SLC23A1: variants seen among roughly 807,000 people sequenced by gnomAD.
SLC23A1 encodes solute carrier family 23 member 1.
In SLC23A1, 31 loss-of-function variants were observed where a neutral mutation model predicts 62.5. The ratio of observed to expected loss-of-function variants is 0.50; its 90% CI spans 0.37 to 0.67. The LOEUF is 0.67. Among genes scored for constraint, SLC23A1 ranks in the 30% least tolerant of loss-of-function variants. The pLI is 0.00. For missense variants in SLC23A1, 640 were observed against 782.7 expected (o/e 0.82, Z 2.18); for synonymous variants, 271 against 313.2 (o/e 0.87, Z 1.42).
chr5:139,368,676 G>T, intron 14 of SLC23A1: 2 of 1,141,904 alleles, frequency 1.8e-6, no homozygotes, highest in East Asian at 2.4e-5. Flanking sequence ...GATCTAGATT[G>T]AATTAGTACC....
Position 139,372,103 on chromosome 5 carries a change from A to C in SLC23A1, c.1700T>G (p.Val567Gly). 1 of 1,613,412 alleles carries C rather than the reference A, an allele frequency of 6.2e-7. No individual in the cohort carries two copies. Among genetic ancestry groups the C allele is most frequent in the South Asian group, 1.1e-5 (1 of 91,076 alleles). ...TFLKYIPICP[V>G]FKGFSSSSKD... ...TGAACTTGAAGAAAATCCTTTGAAG[A>C]CTGGGCAGATAGGAATGTATTTCAG... The change falls in exon 14 of 15, where the codon GTC (valine) becomes GGC (glycine). Residue 567 changes from valine (V) to glycine (G), a missense_variant. Physicochemically the swap from Val to Gly is moderately radical, Grantham distance 109. Transcript: ENST00000348729.
At chr5:139,374,101 A>G (rs1757824989) in intron 13 of SLC23A1, among the ~76,000 whole-genome samples, 1 of 152,038 alleles carries the variant, frequency 6.6e-6, no homozygotes, top group East Asian at 1.9e-4. Context: ...TAGTTTTACC[A>G]CCTATCTTGT....
At chr5:139,377,612 C>G in intron 12 of SLC23A1, 115 bp from the exon 13 acceptor site, 2 of 674,002 alleles carry the variant, frequency 3.0e-6, no homozygotes, top group South Asian at 1.6e-5. Flanking sequence ...TGTCTCAAAC[C>G]TATCTCTGTC....
chr5:139,376,177 A>ATTTTTTTTTTTT, intron 13 of SLC23A1, among the ~76,000 whole-genome samples: 1 of 142,468 alleles, frequency 7.0e-6, no homozygotes, highest in African/African-American at 2.6e-5. Flanking sequence ...CGATGTTTTA[A>ATTTTTTTTTTTT]TTTTTTTTTT....
chr5:139,370,517 A>C (rs1757593408), intron 14 of SLC23A1, among the ~76,000 whole-genome samples: 1 of 146,844 alleles, frequency 6.8e-6, no homozygotes, highest in Non-Finnish European at 1.5e-5. Context: ...TTTTCAAGAC[A>C]GAGTCTCACT....
At chr5:139,383,192 TAG>T in intron 1 of SLC23A1, 24 bp downstream of exon 1, 1 of 91,176 alleles carries the variant, frequency 1.1e-5, no homozygotes, top group Non-Finnish European at 1.9e-5. Flanking sequence ...CTGCCCCCCC[TAG>T]CCCCCACCCC....
At chr5:139,382,886 TG>T in intron 1 of SLC23A1, among the ~76,000 whole-genome samples, 1 of 152,282 alleles carries the variant, frequency 6.6e-6, no homozygotes, top group African/African-American at 2.4e-5. Flanking sequence ...TCAGAAGTCT[TG>T]GAGACCACAG....
At chr5:139,375,420 C>A (rs1757899413) in intron 13 of SLC23A1, among the ~76,000 whole-genome samples, 2 of 152,174 alleles carry the variant, frequency 1.3e-5, no homozygotes, top group African/African-American at 4.8e-5. Flanking sequence ...ACTCTCAGCT[C>A]TTCAGGAGGC....
In SLC23A1 at chr5:139,367,547, G is replaced by GT. The variant is rs1387465281; in HGVS notation, c.*103dup. On this transcript the variant is annotated 3_prime_UTR_variant, in exon 15 of 15. Transcript: ENST00000348729. ...GTGACTTATCTGAGTTTACACAGAAGTTAGTTAGGGGCAGGGCTGGGATTT... is the reference window on the plus strand; with the variant it reads ...GTGACTTATCTGAGTTTACACAGAAGTTTAGTTAGGGGCAGGGCTGGGATTT... The GT allele has an allele frequency of 6.6e-6, 1 of 151,778 alleles. No homozygotes were observed. Among genetic ancestry groups the GT allele is most frequent in the East Asian group, 1.9e-4 (1 of 5,164 alleles). The allele number at this position is 151,778 out of a possible 1,614,324, so 9.4% of individuals were successfully genotyped here.
Position 139,382,453 on chromosome 5 carries a change from G to A in SLC23A1, c.150+39C>T, listed in dbSNP as rs745749593. 10 of 1,180,030 alleles carry A rather than the reference G, an allele frequency of 8.5e-6. No homozygotes were observed. The South Asian group carries it at 9.8e-5, about 12-fold the overall frequency. 73.1% of individuals were successfully genotyped at this position (1,180,030 alleles called of 1,614,324 possible). On this transcript the variant is annotated intron_variant, in intron 2 of 14. Coordinates refer to ENST00000348729, the MANE Select transcript of SLC23A1 (RefSeq NM_005847.5). ...AGGGAGGGGCTGGAGTCCCCGGGGA[G>A]TGTGCAGAGTGAGGGCGGGGAGGCC...
At position 139,371,994 on chromosome 5, in the gene SLC23A1, G is replaced by A; in HGVS notation, c.*12C>T. The A allele has an allele frequency of 6.2e-7, 1 of 1,611,532 alleles. No homozygotes were observed. Among genetic ancestry groups the A allele is most frequent in the Non-Finnish European group, 8.5e-7 (1 of 1,178,086 alleles). ...ACCATAGACACATCCTACCTTTCCT[G>A]GAAGTCATTTTTCAGACCTTGGTGC... is the stretch of plus-strand genomic sequence containing the variant. On this transcript the variant is annotated 3_prime_UTR_variant, in exon 14 of 15. Coordinates refer to ENST00000348729, the MANE Select transcript of SLC23A1 (RefSeq NM_005847.5).
At chr5:139,380,144 A>G in intron 6 of SLC23A1, 64 bp downstream of exon 6, 2 of 1,564,888 alleles carry the variant, frequency 1.3e-6, no homozygotes, top group South Asian at 2.3e-5. Context: ...GGGAAGAAGG[A>G]CCAAGGACAT....
intron 14 of SLC23A1, among the ~76,000 whole-genome samples, chr5:139,367,984 A>G (rs1757375439): frequency 6.6e-6 from 1 of 151,718 alleles, no homozygotes; most frequent in Admixed American, 6.6e-5. Flanking sequence ...CAGGCAGATC[A>G]CGAGGTCAGA....
At chr5:139,370,968 G>A (rs1757631934) in intron 14 of SLC23A1, among the ~76,000 whole-genome samples, 1 of 151,970 alleles carries the variant, frequency 6.6e-6, no homozygotes. Context: ...TGTAATCCCA[G>A]CTACTCAGAA....
chr5:139,383,206 AG>A lies in SLC23A1; in HGVS notation c.36+11del. 1 of 251,998 alleles carries A rather than the reference AG, an allele frequency of 4.0e-6. No homozygotes were observed. Among genetic ancestry groups the A allele is most frequent in the Non-Finnish European group, 5.8e-6 (1 of 172,518 alleles). 15.6% of individuals were successfully genotyped at this position (251,998 alleles called of 1,614,324 possible). A position where few individuals can be genotyped will look rare whatever the true frequency, so the allele number is the denominator to read the frequency against. Reference sequence around the variant, plus strand: ...CCTGCCCCCCCTAGCCCCCACCCCCAGCCCCCAGCACCTGTGTCCGGCCCTC... The same window carrying A: ...CCTGCCCCCCCTAGCCCCCACCCCCACCCCCAGCACCTGTGTCCGGCCCTC... On this transcript the variant is annotated intron_variant, in intron 1 of 14. Coordinates refer to ENST00000348729, the MANE Select transcript of SLC23A1 (RefSeq NM_005847.5).
intron 3 of SLC23A1, 89 bp downstream of exon 3, chr5:139,381,803 C>T (rs887847226): frequency 9.3e-5 from 104 of 1,119,518 alleles, no homozygotes; most frequent in Non-Finnish European, 1.3e-4. Context: ...TTTTGTCTCA[C>T]CAGTGTCCTC....
intron 13 of SLC23A1, among the ~76,000 whole-genome samples, chr5:139,373,160 T>G (rs55943810): frequency 6.9e-4 from 105 of 152,154 alleles, no homozygotes; most frequent in African/African-American, 1.5e-3. Flanking sequence ...ATTTGTTTTT[T>G]TGTGTTGTGT....
chr5:139,381,048 A>C lies in SLC23A1; in HGVS notation c.309-162T>G, dbSNP rs1758231094. 2.6e-5 allele frequency among the ~76,000 whole-genome samples: 4 copies of C among 152,326 alleles called. No individual in the cohort carries two copies. In the South Asian group the frequency reaches 8.3e-4, roughly 32 times the overall value. Reference sequence around the variant, plus strand: ...TGAGGCCCCAGGGAAGACCATCTCTAACATTTTGGCTGCCCAAGGAAGAAA... The same window carrying C: ...TGAGGCCCCAGGGAAGACCATCTCTCACATTTTGGCTGCCCAAGGAAGAAA... On this transcript the variant is annotated intron_variant, in intron 3 of 14. Coordinates refer to ENST00000348729, the MANE Select transcript of SLC23A1 (RefSeq NM_005847.5).
intron 14 of SLC23A1, among the ~76,000 whole-genome samples, chr5:139,371,112 A>C (rs1455743692): frequency 6.6e-6 from 1 of 152,106 alleles, no homozygotes; most frequent in Non-Finnish European, 1.5e-5. Flanking sequence ...CTCTAGCCAG[A>C]CTTCCTGGAT....
Sources: allele counts gnomAD v4.1 joint callset (sites outside exome capture counted in the v4.1 genomes callset), GRCh38; gene constraint gnomAD v4.1.1; transcripts MANE v1.5; gene names NCBI Gene and HGNC (gene_info 2026-07-23, HGNC 2026-07-21).